FMN1: variants seen among roughly 807,000 people sequenced by gnomAD.
FMN1 encodes the protein formin 1.
A neutral mutation model predicts 132.4 loss-of-function variants in FMN1; 110 were observed. That is an observed-to-expected ratio of 0.83 (90% CI 0.71 to 0.97). The LOEUF is 0.97. Among genes scored for constraint, FMN1 ranks in the 50% least tolerant of loss-of-function variants. The pLI, the probability that FMN1 is intolerant of heterozygous loss-of-function variation, is 0.00. For missense variants in FMN1, 1,792 were observed against 1,705.3 expected (o/e 1.05, Z -0.90); for synonymous variants, 722 against 651.7 (o/e 1.11, Z -1.64).
chr15:33,098,376 A>G (rs1223339204), intron 4 of FMN1, among the ~76,000 whole-genome samples: 5 of 152,174 alleles, frequency 3.3e-5, no homozygotes, highest in Non-Finnish European at 5.9e-5. Flanking sequence ...TGAATGCTGA[A>G]TGCTGAGGCC....
chr15:32,793,521 TC>T (rs1055146706), intron 19 of FMN1, among the ~76,000 whole-genome samples: 1 of 152,198 alleles, frequency 6.6e-6, no homozygotes, highest in Non-Finnish European at 1.5e-5. Context: ...CCTCAGGTCA[TC>T]CACCCACCTC....
intron 6 of FMN1, among the ~76,000 whole-genome samples, chr15:33,057,183 A>G (rs951740905): frequency 3.3e-5 from 5 of 152,240 alleles, no homozygotes; most frequent in African/African-American, 1.2e-4. Context: ...TCTTAAGAAA[A>G]GCAGATAAAA....
At chr15:33,120,615 C>T (rs1336171593) in intron 4 of FMN1, among the ~76,000 whole-genome samples, 2 of 32,024 alleles carry the variant, frequency 6.2e-5, no homozygotes, top group Admixed American at 5.1e-4. Context: ...AGATACTGTT[C>T]GGCAGCTTTT....
At chr15:33,065,145 T>G in intron 5 of FMN1, 71 bp from the exon 6 acceptor site, 1 of 985,578 alleles carries the variant, frequency 1.0e-6, no homozygotes, top group Non-Finnish European at 1.5e-6. Flanking sequence ...AATGACATGC[T>G]AAACCTAATT....
At chr15:32,873,954 T>A (rs1029732889) in intron 16 of FMN1, among the ~76,000 whole-genome samples, 1 of 152,118 alleles carries the variant, frequency 6.6e-6, no homozygotes, top group Admixed American at 6.6e-5. Context: ...GCCGCCTTTT[T>A]ATTTTTACTC....
intron 16 of FMN1, among the ~76,000 whole-genome samples, chr15:32,884,547 G>A (rs1166244843): frequency 2.0e-5 from 3 of 152,120 alleles, no homozygotes; most frequent in African/African-American, 7.2e-5. Context: ...TGCCATGTAA[G>A]GCAACATGTT....
At chr15:32,809,372 T>C (rs1029343202) in intron 17 of FMN1, among the ~76,000 whole-genome samples, 7 of 152,194 alleles carry the variant, frequency 4.6e-5, no homozygotes, top group Admixed American at 2.0e-4. Flanking sequence ...ACTGCCATTT[T>C]AGAAGGCAAA....
At chr15:32,974,223 C>G (rs1204901736) in intron 7 of FMN1, among the ~76,000 whole-genome samples, 1 of 152,192 alleles carries the variant, frequency 6.6e-6, no homozygotes, top group African/African-American at 2.4e-5. Flanking sequence ...GATTTCCCCT[C>G]TCTCACTCTT....
intron 10 of FMN1, among the ~76,000 whole-genome samples, chr15:32,911,745 GAA>G (rs1411535486): frequency 3.3e-5 from 5 of 152,226 alleles, no homozygotes; most frequent in Admixed American, 3.3e-4. Context: ...GGAACAGAGA[GAA>G]AAGAGGAGGT....
At chr15:32,961,654 T>C (rs987356039) in intron 9 of FMN1, among the ~76,000 whole-genome samples, 1 of 152,138 alleles carries the variant, frequency 6.6e-6, no homozygotes, top group Admixed American at 6.5e-5. Flanking sequence ...GCAGCTGTCA[T>C]ATGTTGAGCA....
At chr15:32,846,077 TAC>T (rs2058848959) in intron 17 of FMN1, among the ~76,000 whole-genome samples, 1 of 152,172 alleles carries the variant, frequency 6.6e-6, no homozygotes. Flanking sequence ...GCTCTCTCAC[TAC>T]ATTCAGATCA....
At chr15:33,127,102 GTGA>G (rs1378873501) in intron 4 of FMN1, among the ~76,000 whole-genome samples, 1 of 152,194 alleles carries the variant, frequency 6.6e-6, no homozygotes, top group Admixed American at 6.5e-5. Flanking sequence ...GGTTGGGGGA[GTGA>G]TGAACGAGAT....
intron 15 of FMN1, among the ~76,000 whole-genome samples, chr15:32,891,468 G>A (rs918014540): frequency 1.1e-4 from 16 of 152,092 alleles, no homozygotes; most frequent in African/African-American, 2.2e-4. Context: ...GGTCTCAATC[G>A]CCTGACCTCT....
At chr15:33,137,331 A>G (rs1963816988) in intron 4 of FMN1, among the ~76,000 whole-genome samples, 1 of 152,074 alleles carries the variant, frequency 6.6e-6, no homozygotes, top group Non-Finnish European at 1.5e-5. Context: ...GTAGCAAAGC[A>G]CCTCTTCTAC....
At chr15:32,937,712 C>G (rs2061311046) in intron 9 of FMN1, among the ~76,000 whole-genome samples, 1 of 152,222 alleles carries the variant, frequency 6.6e-6, no homozygotes, top group African/African-American at 2.4e-5. Flanking sequence ...GCAGACTGAT[C>G]TGAGACTGAG....
At chr15:32,882,466 C>T (rs1403482760) in intron 16 of FMN1, among the ~76,000 whole-genome samples, 1 of 152,154 alleles carries the variant, frequency 6.6e-6, no homozygotes, top group Non-Finnish European at 1.5e-5. Flanking sequence ...GAAATGGACA[C>T]ACGCCACACC....
At chr15:32,872,361 C>A (rs537527524) in intron 16 of FMN1, among the ~76,000 whole-genome samples, 1 of 152,158 alleles carries the variant, frequency 6.6e-6, no homozygotes, top group Non-Finnish European at 1.5e-5. Context: ...ATCATTAGTG[C>A]AAGACAATGG....
chr15:33,102,329 G>A (rs1305229782), intron 4 of FMN1, among the ~76,000 whole-genome samples: 2 of 152,094 alleles, frequency 1.3e-5, no homozygotes, highest in Non-Finnish European at 2.9e-5. Flanking sequence ...AGATGTGCTA[G>A]GGAGGGATGT....
In FMN1 at chr15:32,767,552, AAT is replaced by A. The variant is rs2056088845; in HGVS notation, c.*6756_*6757del. 6.6e-6 allele frequency: 1 copy of A among 152,174 alleles called. No individual in the cohort carries two copies. The highest frequency in any genetic ancestry group is 6.5e-5 in the Admixed American group (1 of 15,280). 9.4% of individuals were successfully genotyped at this position (152,174 alleles called of 1,614,324 possible). ...TGAAAGAAAAAGACTATGATAAACCAATGTTTTCTCTAAAGATTCTTAAAAAT... is the reference window on the plus strand; with the variant it reads ...TGAAAGAAAAAGACTATGATAAACCAGTTTTCTCTAAAGATTCTTAAAAAT... On this transcript the variant is annotated 3_prime_UTR_variant, in exon 21 of 21. Coordinates refer to ENST00000616417, the MANE Select transcript of FMN1 (RefSeq NM_001277313.2).
Sources: gnomAD v4.1 joint callset for allele counts (sites outside exome capture counted in the v4.1 genomes callset) on GRCh38, gnomAD v4.1.1 for gene constraint, MANE v1.5 for transcripts, NCBI Gene and HGNC (gene_info 2026-07-23, HGNC 2026-07-21) for gene names.